GPC5: variants seen among roughly 807,000 people sequenced by gnomAD.
GPC5 encodes glypican 5, also known as glypican-5.
GPC5 carries 47 observed loss-of-function variants against 53.9 expected under a neutral mutation model. The observed-to-expected ratio is 0.87, with a 90% CI of 0.69 to 1.11. The LOEUF is 1.11. Ranked by LOEUF, GPC5 falls within the 50% of genes most tolerant of loss-of-function variation. The pLI is 0.00. For synonymous variants in GPC5, 286 were observed against 263.3 expected (o/e 1.09, Z -0.84); for missense variants, 748 against 713.1 (o/e 1.05, Z -0.56).
intron 7 of GPC5, among the ~76,000 whole-genome samples, chr13:92,351,048 A>G (rs1338236342): frequency 1.3e-5 from 2 of 152,082 alleles, no homozygotes; most frequent in Non-Finnish European, 2.9e-5. Flanking sequence ...ACAAGTCTTC[A>G]GAAGCTTTGC....
At chr13:92,783,836 G>T (rs1876118662) in intron 7 of GPC5, among the ~76,000 whole-genome samples, 1 of 152,078 alleles carries the variant, frequency 6.6e-6, no homozygotes, top group African/African-American at 2.4e-5. Flanking sequence ...GGGAAACAAT[G>T]AACTCAGAAG....
chr13:92,700,522 G>C (rs1887699912), intron 7 of GPC5, among the ~76,000 whole-genome samples: 1 of 152,122 alleles, frequency 6.6e-6, no homozygotes, highest in Admixed American at 6.6e-5. Flanking sequence ...AGTTGATGCA[G>C]TTTCTTCATA....
intron 2 of GPC5, among the ~76,000 whole-genome samples, chr13:91,578,596 G>A (rs17419916): frequency 0.17 from 25,818 of 151,674 alleles, 2,361 homozygotes; most frequent in South Asian, 0.35. Context: ...ATCTATAATC[G>A]CCTTTCATTT....
chr13:92,637,095 C>A (rs1255207948), intron 7 of GPC5, among the ~76,000 whole-genome samples: 1 of 152,106 alleles, frequency 6.6e-6, no homozygotes, highest in African/African-American at 2.4e-5. Context: ...TGGTTACGAC[C>A]CCCAAAATTC....
intron 7 of GPC5, among the ~76,000 whole-genome samples, chr13:92,741,373 G>A (rs767559254): frequency 1.3e-4 from 19 of 151,926 alleles, no homozygotes; most frequent in Non-Finnish European, 2.4e-4. Flanking sequence ...GGGAGGCTCT[G>A]AGCTTTCCTG....
chr13:92,486,838 A>G (rs1879572682), intron 7 of GPC5, among the ~76,000 whole-genome samples: 1 of 149,554 alleles, frequency 6.7e-6, no homozygotes, highest in South Asian at 2.1e-4. Flanking sequence ...TGGCTACTGG[A>G]TTAGATAACA....
chr13:92,572,215 T>G (rs989752208), intron 7 of GPC5, among the ~76,000 whole-genome samples: 1 of 152,204 alleles, frequency 6.6e-6, no homozygotes, highest in Non-Finnish European at 1.5e-5. Flanking sequence ...CCTTCAGAAT[T>G]AAATATCTGG....
At chr13:92,336,575 T>G (rs6492602) in intron 7 of GPC5, among the ~76,000 whole-genome samples, 61,250 of 151,910 alleles carry the variant, frequency 0.4, 12,477 homozygotes, top group Middle Eastern at 0.51. Context: ...ATGGAATTTT[T>G]GTTTACTAAT....
At chr13:92,227,470 C>T (rs9560988) in intron 7 of GPC5, among the ~76,000 whole-genome samples, 35,261 of 151,934 alleles carry the variant, frequency 0.23, 4,293 homozygotes, top group African/African-American at 0.31. Context: ...CTACAAGTTC[C>T]TGTCTCGTCA....
At position 92,020,683 on chromosome 13, in the gene GPC5, C is replaced by CTT. The variant is rs71113782; in HGVS notation, c.1401+112640_1401+112641dup. ...TAGTCCAATTTTTTATTAGTTTATT[C>CTT]TTTTTTTTTTTTTTTACTATTATGA... On this transcript the variant is annotated intron_variant, in intron 6 of 7. Transcript: ENST00000377067. Among the ~76,000 whole-genome samples, 1,302 of 140,632 alleles carry CTT rather than the reference C, an allele frequency of 9.3e-3. 10 individuals are homozygous for CTT. Among genetic ancestry groups the CTT allele is most frequent in the East Asian group, 0.031 (151 of 4,854 alleles). The allele number at this position is 140,632 out of a possible 152,430, so 92.3% of individuals were successfully genotyped here.
At chr13:91,907,503 T>TCTCTATATATA (rs2039566577) in intron 5 of GPC5, among the ~76,000 whole-genome samples, 2 of 129,554 alleles carry the variant, frequency 1.5e-5, no homozygotes, top group African/African-American at 5.9e-5. Flanking sequence ...CTCTCTCTCT[T>TCTCTATATATA]TATATATATA....
rs537166454 is a variant in GPC5, at chr13:92,135,710, A to T, written c.1402-9120A>T. On this transcript the variant is annotated intron_variant, in intron 6 of 7. Coordinates refer to ENST00000377067, the MANE Select transcript of GPC5 (RefSeq NM_004466.6). ...TAAATTGCCAGACTGCATTGCATAA[A>T]CCAAATGCCAACAGAGCAGTGACCT... 8.9e-4 allele frequency among the ~76,000 whole-genome samples: 135 copies of T among 152,308 alleles called. 1 individual carries two copies. The highest frequency in any genetic ancestry group is 2.1e-3 in the African/African-American group (86 of 41,574).
At chr13:91,715,079 G>T (rs868609533) in intron 3 of GPC5, among the ~76,000 whole-genome samples, 1 of 152,184 alleles carries the variant, frequency 6.6e-6, no homozygotes, top group Non-Finnish European at 1.5e-5. Flanking sequence ...TCTAGGAAAA[G>T]GGTAGCCATT....
intron 7 of GPC5, among the ~76,000 whole-genome samples, chr13:92,542,854 A>C (rs796798729): frequency 2.0e-5 from 3 of 151,968 alleles, no homozygotes; most frequent in South Asian, 2.1e-4. Flanking sequence ...ATCTGCTGTT[A>C]GTCTATTAAT....
At chr13:91,850,530 A>T (rs975090253) in intron 5 of GPC5, among the ~76,000 whole-genome samples, 13 of 152,328 alleles carry the variant, frequency 8.5e-5, no homozygotes, top group African/African-American at 3.1e-4. Context: ...GTTGAAAAGA[A>T]GTCTGATCTT....
At chr13:92,201,624 A>T (rs540148901) in intron 7 of GPC5, among the ~76,000 whole-genome samples, 1 of 152,264 alleles carries the variant, frequency 6.6e-6, no homozygotes, top group African/African-American at 2.4e-5. Context: ...AAGACCTAAG[A>T]TAGTAGGATT....
At chr13:92,621,882 G>T (rs1316008202) in intron 7 of GPC5, among the ~76,000 whole-genome samples, 2 of 152,016 alleles carry the variant, frequency 1.3e-5, no homozygotes, top group Non-Finnish European at 2.9e-5. Context: ...TTTAAGCTTT[G>T]AAAGCATGAA....
chr13:91,524,461 A>G (rs1169720191), intron 2 of GPC5, among the ~76,000 whole-genome samples: 3 of 152,190 alleles, frequency 2.0e-5, no homozygotes, highest in Non-Finnish European at 4.4e-5. Flanking sequence ...TAATTAATGA[A>G]AAATAAATTT....
At chr13:92,864,064 T>TA (rs1186583556) in intron 7 of GPC5, among the ~76,000 whole-genome samples, 2 of 152,216 alleles carry the variant, frequency 1.3e-5, no homozygotes, top group African/African-American at 4.8e-5. Flanking sequence ...TAAGCTTGGT[T>TA]AATTAAATTT....
Sources: gnomAD v4.1 joint callset for allele counts (sites outside exome capture counted in the v4.1 genomes callset) on GRCh38, gnomAD v4.1.1 for gene constraint, MANE v1.5 for transcripts, NCBI Gene and HGNC (gene_info 2026-07-23, HGNC 2026-07-21) for gene names.